CLDN16: variants seen among roughly 807,000 people sequenced by gnomAD.
The protein encoded by CLDN16 is claudin-16.
Under a neutral mutation model 24.6 loss-of-function variants are expected in CLDN16, and 13 were observed. That is an observed-to-expected ratio of 0.53 (90% CI 0.34 to 0.84). The LOEUF is 0.84. Ranked by LOEUF, CLDN16 falls within the 40% of genes least tolerant of loss-of-function variation. The pLI, the probability that CLDN16 is intolerant of heterozygous loss-of-function variation, is 0.01. For missense variants in CLDN16, 298 were observed against 292.7 expected (o/e 1.02, Z -0.13); for synonymous variants, 116 against 106.7 (o/e 1.09, Z -0.54).
the CLDN16 span, among the ~76,000 whole-genome samples, chr3:190,297,488 A>G: frequency 7.9e-5 from 9 of 113,898 alleles, no homozygotes; most frequent in Admixed American, 6.5e-4. Context: ...TATATATTAT[A>G]TATCTATATT....
chr3:190,355,706 AT>A (rs1717753236), intron 1 of CLDN16, among the ~76,000 whole-genome samples: 1 of 151,836 alleles, frequency 6.6e-6, no homozygotes, highest in African/African-American at 2.4e-5. Context: ...AATATAGAGC[AT>A]TTTAATGGAA....
intron 2 of CLDN16, among the ~76,000 whole-genome samples, chr3:190,373,809 T>C (rs1718190710): frequency 6.7e-6 from 1 of 148,586 alleles, no homozygotes; most frequent in Non-Finnish European, 1.5e-5. Context: ...ATGATAGTGG[T>C]ATATATTTTA....
intron 1 of CLDN16, among the ~76,000 whole-genome samples, chr3:190,356,640 G>A (rs1202170800): frequency 6.6e-6 from 1 of 151,842 alleles, no homozygotes; most frequent in Non-Finnish European, 1.5e-5. Flanking sequence ...TTTAAAAGCA[G>A]TAGGGATATA....
chr3:190,356,115 T>A (rs2108638395), intron 1 of CLDN16, among the ~76,000 whole-genome samples: 1 of 151,876 alleles, frequency 6.6e-6, no homozygotes, highest in Middle Eastern at 3.4e-3. Flanking sequence ...CTGAAAAGAA[T>A]AAAAGTCATC....
At chr3:190,387,486 C>T (rs966128822), upstream of CLDN16, among the ~76,000 whole-genome samples, 1 of 152,024 alleles carries the variant, frequency 6.6e-6, no homozygotes, top group Non-Finnish European at 1.5e-5. Flanking sequence ...CTATTCTAAG[C>T]GACTTACAGG....
At chr3:190,392,718 G>A (rs75887042) in intron 1 of CLDN16, among the ~76,000 whole-genome samples, 3 of 152,288 alleles carry the variant, frequency 2.0e-5, no homozygotes, top group African/African-American at 7.2e-5. Context: ...CTCAGGAAAT[G>A]GCAGGAACTG....
At chr3:190,377,906 G>A (rs1299612619) in intron 3 of CLDN16, among the ~76,000 whole-genome samples, 3 of 151,946 alleles carry the variant, frequency 2.0e-5, no homozygotes, top group African/African-American at 7.2e-5. Flanking sequence ...CTGAACAAGA[G>A]TATCTCCAAA....
upstream of CLDN16, chr3:190,322,510 G>A: frequency 2.6e-6 from 1 of 386,368 alleles, no homozygotes; most frequent in South Asian, 2.7e-5. Flanking sequence ...CAGCCGGGGA[G>A]CGCCCCCTGG....
chr3:190,319,112 A>C (rs1480472803), upstream of CLDN16, among the ~76,000 whole-genome samples: 1 of 152,112 alleles, frequency 6.6e-6, no homozygotes, highest in African/African-American at 2.4e-5. Context: ...ACAGCAACTC[A>C]ATCTTTGGAC....
In CLDN16 at chr3:190,411,407, C is replaced by T. The variant is rs545295861; in HGVS notation, c.*1371C>T. 4 of 151,794 alleles carry T rather than the reference C, an allele frequency of 2.6e-5. No individual in the cohort carries two copies. Among genetic ancestry groups the T allele is most frequent in the African/African-American group, 4.8e-5 (2 of 41,376 alleles). 9.4% of individuals were successfully genotyped at this position (151,794 alleles called of 1,614,324 possible). ...CCATCTTGAATTTTTTTAATTGTAG[C>T]GATTTTAAAAATGTTTGTAAAATTT... On this transcript the variant is annotated 3_prime_UTR_variant, in exon 5 of 5. Transcript: ENST00000264734.
the CLDN16 span, chr3:190,308,298 G>A: frequency 3.1e-6 from 5 of 1,613,826 alleles, no homozygotes; most frequent in Middle Eastern, 1.7e-4. Flanking sequence ...CTTTCCCGCT[G>A]GAAGGTGCAG....
chr3:190,404,127 T>C (rs1393442384), intron 2 of CLDN16, among the ~76,000 whole-genome samples: 1 of 152,108 alleles, frequency 6.6e-6, no homozygotes, highest in Admixed American at 6.5e-5. Context: ...TGGCCTAATA[T>C]GTAATATTGG....
At chr3:190,324,192 G>A (rs981197012) in intron 1 of CLDN16, among the ~76,000 whole-genome samples, 10 of 152,108 alleles carry the variant, frequency 6.6e-5, no homozygotes, top group Admixed American at 1.3e-4. Flanking sequence ...ACCCGGGCAC[G>A]GTGGCTCAGG....
the CLDN16 span, among the ~76,000 whole-genome samples, chr3:190,301,687 T>C: frequency 2.0e-5 from 3 of 152,188 alleles, no homozygotes; most frequent in South Asian, 6.2e-4. Context: ...ATACCTCACA[T>C]CTAGTCAATC....
At chr3:190,396,606 T>TA (rs1264158151) in intron 1 of CLDN16, among the ~76,000 whole-genome samples, 1 of 152,228 alleles carries the variant, frequency 6.6e-6, no homozygotes, top group Non-Finnish European at 1.5e-5. Flanking sequence ...CCAGCATTAA[T>TA]ATAGTCGGCA....
rs142184426 is a variant in CLDN16, at chr3:190,334,428, C to T, written n.121+11767C>T. Among the ~76,000 whole-genome samples the T allele has an allele frequency of 3.1e-3, 476 of 152,346 alleles. No individual in the cohort carries two copies. The South Asian group carries it at 0.032, about 10-fold the overall frequency. On this transcript the variant is annotated intron_variant and non_coding_transcript_variant, in intron 1 of 4. Coordinates refer to the CLDN16 transcript ENST00000468220. Reference sequence around the variant, plus strand: ...TGAGAAGGGCCCACTATGCTAAAGACTTTGAGCTTCATCTCTTAGGTTGTG... The same window carrying T: ...TGAGAAGGGCCCACTATGCTAAAGATTTTGAGCTTCATCTCTTAGGTTGTG...
intron 4 of CLDN16, 136 bp from the exon 5 acceptor site, chr3:190,409,767 T>C: frequency 3.7e-6 from 3 of 803,308 alleles, no homozygotes; most frequent in Non-Finnish European, 6.0e-6. Context: ...TCTAGGATTC[T>C]TCTTAGAGTT....
upstream of CLDN16, chr3:190,388,021 G>T: frequency 8.8e-7 from 1 of 1,142,124 alleles, no homozygotes; most frequent in Non-Finnish European, 1.3e-6. Flanking sequence ...GCCCACAGTT[G>T]GGTCAGAAAA....
intron 2 of CLDN16, chr3:190,371,033 T>C (rs375452146): frequency 3.8e-4 from 1 of 2,640 alleles, no homozygotes; most frequent in African/African-American, 8.8e-4. Flanking sequence ...TATATATATA[T>C]ATATATAAAA....
Sources: gnomAD v4.1 joint callset for allele counts (sites outside exome capture counted in the v4.1 genomes callset) on GRCh38, gnomAD v4.1.1 for gene constraint, MANE v1.5 for transcripts, NCBI Gene and HGNC (gene_info 2026-07-23, HGNC 2026-07-21) for gene names.